Variants in SLC12A5 observed in about 807,000 individuals in gnomAD.
SLC12A5 encodes the protein solute carrier family 12 member 5, also known as K-Cl cotransporter 2.
Under a neutral mutation model 124.0 loss-of-function variants are expected in SLC12A5, and 18 were observed. The ratio of observed to expected loss-of-function variants is 0.15; its 90% CI spans 0.10 to 0.22. The LOEUF is 0.22. Ranked by LOEUF, SLC12A5 falls within the 10% of genes least tolerant of loss-of-function variation. SLC12A5 has a pLI of 1.00. For synonymous variants in SLC12A5, 589 were observed against 568.0 expected, an observed-to-expected ratio of 1.04 and a Z score of -0.53; for missense variants, 867 against 1,478.7, an observed-to-expected ratio of 0.59 and a Z score of 6.78.
intron 1 of SLC12A5, among the ~76,000 whole-genome samples, chr20:46,031,452 G>C (rs2084448462): frequency 6.6e-6 from 1 of 152,202 alleles, no homozygotes; most frequent in African/African-American, 2.4e-5. Flanking sequence ...GGGCTTGAGA[G>C]AGGACCATCA....
At chr20:46,035,301 A>G in intron 2 of SLC12A5, 103 bp from the exon 3 acceptor site, 2 of 1,426,240 alleles carry the variant, frequency 1.4e-6, no homozygotes, top group Non-Finnish European at 1.9e-6. Context: ...CCCAACCTGA[A>G]TAGTTTCGTG....
rs757271320 is a variant in SLC12A5 at position 46,052,912 on chromosome 20, A to G, written c.2378-45A>G. On this transcript the variant is annotated intron_variant, in intron 18 of 25. Transcript: ENST00000243964. ...GCTGCTGCTGGGTGTTGGGAGAACC[A>G]GAGTCACTGTTTCCCCCTCTGGCCC... The G allele has an allele frequency of 6.4e-6, 10 of 1,552,788 alleles. No individual in the cohort carries two copies. In the East Asian group the frequency reaches 1.2e-4, roughly 18 times the overall value.
At chr20:46,037,520 G>T in intron 6 of SLC12A5, 135 bp downstream of exon 6, 1 of 994,648 alleles carries the variant, frequency 1.0e-6, no homozygotes, top group Admixed American at 3.4e-5. Context: ...GTCAGATGTG[G>T]TTCTGTTTCT....
chr20:46,041,932 G>GGT (rs2084551740), intron 8 of SLC12A5, among the ~76,000 whole-genome samples: 1 of 152,120 alleles, frequency 6.6e-6, no homozygotes, highest in African/African-American at 2.4e-5. Flanking sequence ...TGCCCGGGGG[G>GGT]GGAGAGTTCA....
At chr20:46,023,119 C>T (rs1199015148) in intron 2 of SLC12A5, 1 of 398,504 alleles carries the variant, frequency 2.5e-6, no homozygotes, top group Admixed American at 4.4e-5. Flanking sequence ...CCTAGAGTAA[C>T]CCTTAGGGGG....
At chr20:46,052,049 G>C (rs561960325) in intron 18 of SLC12A5, among the ~76,000 whole-genome samples, 179 bp downstream of exon 18, 27 of 152,332 alleles carry the variant, frequency 1.8e-4, no homozygotes, top group Non-Finnish European at 3.1e-4. Context: ...ACTGTGCTGG[G>C]CGCTGGGGAC....
intron 21 of SLC12A5, among the ~76,000 whole-genome samples, 196 bp downstream of exon 21, chr20:46,055,219 G>A (rs2084679210): frequency 6.6e-6 from 1 of 152,156 alleles, no homozygotes; most frequent in Admixed American, 6.5e-5. Context: ...CAACCTCCCA[G>A]CCAGGAGGCA....
At chr20:46,030,244 C>G (rs1007240211) in intron 1 of SLC12A5, among the ~76,000 whole-genome samples, 3 of 152,136 alleles carry the variant, frequency 2.0e-5, no homozygotes, top group Non-Finnish European at 4.4e-5. Flanking sequence ...TTTTAGTTAG[C>G]TCTGCTAGCT....
intron 14 of SLC12A5, 86 bp downstream of exon 14, chr20:46,046,522 G>T (rs1184050881): frequency 8.1e-7 from 1 of 1,227,842 alleles, no homozygotes; most frequent in Non-Finnish European, 1.2e-6. Context: ...TCCCCTCTGG[G>T]TCTAAGGACC....
In SLC12A5 at chr20:46,045,176, AC is replaced by A; in HGVS notation, c.1569+38del. The stretch of plus-strand genomic sequence containing the variant: ...GAGAAGAACAGCCCACCCTCAGTAG[AC>A]CAGCCAGGCCCCTGCCCAGAGAGAC... On this transcript the variant is annotated intron_variant, in intron 12 of 25. Transcript: ENST00000243964. This position sits in a 1 kb window ranked among gnomAD's most constrained non-coding sequence, Gnocchi z 4.9. 2.6e-6 allele frequency: 4 copies of A among 1,531,148 alleles called. No individual in the cohort carries two copies. The highest frequency in any genetic ancestry group is 3.5e-6 in the Non-Finnish European group (4 of 1,144,354). 94.8% of individuals were successfully genotyped at this position (1,531,148 alleles called of 1,614,324 possible).
At chr20:46,055,494 C>A (rs1411605893) in intron 21 of SLC12A5, among the ~76,000 whole-genome samples, 1 of 152,000 alleles carries the variant, frequency 6.6e-6, no homozygotes, top group Non-Finnish European at 1.5e-5. Context: ...TAAGCCCCCC[C>A]ATAGGGTGTG....
chr20:46,021,818 G>C (rs1434932008), upstream of SLC12A5: 2 of 1,534,372 alleles, frequency 1.3e-6, no homozygotes, highest in Non-Finnish European at 1.7e-6. Flanking sequence ...CCCGCCAGAA[G>C]CCCTGACCCA....
Position 46,059,134 on chromosome 20 carries a change from C to T in SLC12A5, c.*1529C>T. The stretch of plus-strand genomic sequence containing the variant: ...GGCACATTACTAAGGGGGTCAGGCA[C>T]TGCATGCTCGTTCCAGCACCATCTG... On this transcript the variant is annotated 3_prime_UTR_variant, in exon 26 of 26. Coordinates refer to ENST00000243964, the MANE Select transcript of SLC12A5 (RefSeq NM_020708.5). The T allele has an allele frequency of 4.6e-6, 1 of 216,430 alleles. No individual in the cohort carries two copies. Among genetic ancestry groups the T allele is most frequent in the Non-Finnish European group, 9.0e-6 (1 of 110,896 alleles). The allele number at this position is 216,430 out of a possible 1,614,324, so 13.4% of individuals were successfully genotyped here.
chr20:46,049,498 G>C (rs1600602112), intron 16 of SLC12A5, 124 bp from the exon 17 acceptor site: 1 of 1,211,584 alleles, frequency 8.3e-7, no homozygotes, highest in Admixed American at 2.1e-5. Flanking sequence ...GGTGGTGAGG[G>C]GTATAGGTGG....
chr20:46,034,931 C>T lies in SLC12A5; in HGVS notation c.53-17C>T. Reference sequence around the variant, plus strand: ...CAACTGATTGGTTCCAGATCCCTGACCCCTCTCCCTTCTCAGGTGATGGCA... The same window carrying T: ...CAACTGATTGGTTCCAGATCCCTGATCCCTCTCCCTTCTCAGGTGATGGCA... On this transcript the variant is annotated splice_polypyrimidine_tract_variant and intron_variant, in intron 1 of 25. Coordinates refer to ENST00000243964, the MANE Select transcript of SLC12A5 (RefSeq NM_020708.5). 6.2e-7 allele frequency: 1 copy of T among 1,612,374 alleles called. No individual in the cohort carries two copies. Among genetic ancestry groups the T allele is most frequent in the Non-Finnish European group, 8.5e-7 (1 of 1,178,464 alleles).
chr20:46,047,428 A>G (rs1167861775), intron 14 of SLC12A5, 26 bp from the exon 15 acceptor site: 1 of 1,610,564 alleles, frequency 6.2e-7, no homozygotes. Flanking sequence ...TGGGGCTCAG[A>G]GGCTGGGTCT....
chr20:46,034,802 CA>C lies in SLC12A5; in HGVS notation c.53-144del, dbSNP rs1022756078. 26 of 718,448 alleles carry C rather than the reference CA, an allele frequency of 3.6e-5. No individual in the cohort carries two copies. The African/African-American group carries it at 3.7e-4, about 10-fold the overall frequency. 44.5% of individuals were successfully genotyped at this position (718,448 alleles called of 1,614,324 possible). Reference sequence around the variant, plus strand: ...GGCTCTGTATACATGCTGTCAACTGCAACCCTGCAAGGAAGGTGGTATTAGC... The same window carrying C: ...GGCTCTGTATACATGCTGTCAACTGCACCCTGCAAGGAAGGTGGTATTAGC... On this transcript the variant is annotated intron_variant, in intron 1 of 25. Transcript: ENST00000243964.
At position 46,058,832 on chromosome 20, in the gene SLC12A5, TCCTGTCTCG is replaced by T; in HGVS notation, c.*1232_*1240del. 1 of 397,768 alleles carries T rather than the reference TCCTGTCTCG, an allele frequency of 2.5e-6. No individual in the cohort carries two copies. Among genetic ancestry groups the T allele is most frequent in the Non-Finnish European group, 4.4e-6 (1 of 226,082 alleles). 24.6% of individuals were successfully genotyped at this position (397,768 alleles called of 1,614,324 possible). On this transcript the variant is annotated 3_prime_UTR_variant, in exon 26 of 26. Coordinates refer to ENST00000243964, the MANE Select transcript of SLC12A5 (RefSeq NM_020708.5). This position sits in a 1 kb window ranked among gnomAD's most constrained non-coding sequence, Gnocchi z 5.8. ...TCCTCCCCCGTCCCCATCTGGCAGC[TCCTGTCTCG>T]CCTGAGGGACCCAGCCGCCTTCTCC... is the stretch of plus-strand genomic sequence containing the variant.
chr20:46,024,423 GTA>G (rs77362724), upstream of SLC12A5, among the ~76,000 whole-genome samples: 378 of 152,332 alleles, frequency 2.5e-3, 15 homozygotes, highest in East Asian at 0.064. Flanking sequence ...GCAGATCACT[GTA>G]TGGGGAAGTA....
Sources: allele counts gnomAD v4.1 joint callset (sites outside exome capture counted in the v4.1 genomes callset), GRCh38; gene constraint gnomAD v4.1.1; non-coding constraint Gnocchi (gnomAD v3.1); transcripts MANE v1.5; gene names NCBI Gene and HGNC (gene_info 2026-07-23, HGNC 2026-07-21).